Variants in HECW1 observed in about 807,000 individuals in gnomAD.
HECW1 encodes HECT, C2 and WW domain containing E3 ubiquitin protein ligase 1.
Under a neutral mutation model 182.3 loss-of-function variants are expected in HECW1, and 61 were observed. The ratio of observed to expected loss-of-function variants is 0.33; its 90% CI spans 0.27 to 0.41. The LOEUF is 0.41. Ranked by LOEUF, HECW1 falls within the 10% of genes least tolerant of loss-of-function variation. HECW1 has a pLI of 1.00. For missense variants in HECW1, 1,739 were observed against 2,108.9 expected, an observed-to-expected ratio of 0.82 and a Z score of 3.44; for synonymous variants, 859 against 832.6, an observed-to-expected ratio of 1.03 and a Z score of -0.55.
intron 2 of HECW1, among the ~76,000 whole-genome samples, chr7:43,153,451 G>A (rs146515735): frequency 1.4e-3 from 213 of 152,238 alleles, no homozygotes; most frequent in African/African-American, 4.1e-3. Context: ...CATTCAACCC[G>A]TACATTATTT....
chr7:43,372,007 A>G (rs2074127056), intron 6 of HECW1, among the ~76,000 whole-genome samples: 1 of 152,056 alleles, frequency 6.6e-6, no homozygotes, highest in African/African-American at 2.4e-5. Flanking sequence ...TTTTTAGTAG[A>G]GATGGGATTT....
chr7:43,150,514 G>GA lies in HECW1; in HGVS notation c.-32+36124dup, dbSNP rs528114248. ...ATGCCTCAGCCTCCTGAGTAGCTGG[G>GA]ATTATAGGCACCTGCCATCATGCCT... On this transcript the variant is annotated intron_variant, in intron 2 of 29. Coordinates refer to ENST00000395891, the MANE Select transcript of HECW1 (RefSeq NM_015052.5). Among the ~76,000 whole-genome samples, 541 of 152,270 alleles carry GA rather than the reference G, an allele frequency of 3.6e-3. 2 individuals carry two copies. The highest frequency in any genetic ancestry group is 0.013 in the African/African-American group (529 of 41,550).
chr7:43,307,124 G>T (rs1463275908), intron 3 of HECW1, among the ~76,000 whole-genome samples: 1 of 152,014 alleles, frequency 6.6e-6, no homozygotes, highest in Non-Finnish European at 1.5e-5. Context: ...CCATAGCAGG[G>T]CACTTTGTAC....
intron 23 of HECW1, 54 bp from the exon 24 acceptor site, chr7:43,508,915 T>C: frequency 6.3e-7 from 1 of 1,588,476 alleles, no homozygotes. Context: ...TGCAAACAGG[T>C]CCCCCCACCT....
intron 2 of HECW1, among the ~76,000 whole-genome samples, chr7:43,205,427 A>T (rs1416989563): frequency 1.3e-5 from 2 of 152,312 alleles, no homozygotes; most frequent in East Asian, 3.9e-4. Context: ...CTAGGAACAC[A>T]GCCTGGAACT....
chr7:43,209,560 G>C (rs185889109), intron 2 of HECW1, among the ~76,000 whole-genome samples: 3 of 152,280 alleles, frequency 2.0e-5, no homozygotes, highest in African/African-American at 7.2e-5. Context: ...ATTAGAATTT[G>C]CAAGAAAGAG....
chr7:43,349,438 G>A (rs190387489), intron 5 of HECW1, among the ~76,000 whole-genome samples: 2 of 152,294 alleles, frequency 1.3e-5, no homozygotes, highest in Non-Finnish European at 2.9e-5. Context: ...GACCTGTCTA[G>A]TGCTGTCAGT....
chr7:43,463,764 G>A lies in HECW1; in HGVS notation c.2756G>A (p.Ser919Asn). ...GCAGGAGGAGGCGGAGGTGGAGGGA[G>A]TGACTCAGAAGCCGAATCTTCCCAG... ...APAGGGGGGG[S>N]DSEAESSQSS... Residue 919 changes from serine (S) to asparagine (N), a missense_variant, in exon 14 of 30, where the codon AGT (serine) becomes AAT (asparagine). By Grantham distance (46) the Ser-to-Asn change is conservative. This residue lies in a region of HECW1 where 971 missense variants were observed against 1,029.1 expected (regional missense o/e 0.94). Coordinates refer to ENST00000395891, the MANE Select transcript of HECW1 (RefSeq NM_015052.5). The A allele has an allele frequency of 6.2e-6, 10 of 1,614,072 alleles. No homozygotes were observed. Among genetic ancestry groups the A allele is most frequent in the Middle Eastern group, 1.6e-4 (1 of 6,062 alleles).
intron 26 of HECW1, among the ~76,000 whole-genome samples, chr7:43,543,789 AAAAAAAAAAG>A (rs2081452790): frequency 6.6e-6 from 1 of 151,690 alleles, no homozygotes; most frequent in Non-Finnish European, 1.5e-5. Flanking sequence ...CACAAAAAAA[AAAAAAAAAAG>A]AAAAAAAAAG....
At chr7:43,299,501 G>T (rs369308621) in intron 3 of HECW1, among the ~76,000 whole-genome samples, 64 of 152,050 alleles carry the variant, frequency 4.2e-4, no homozygotes, top group African/African-American at 1.4e-3. Context: ...GAGTTCAAAG[G>T]TTCCAAGTTT....
At chr7:43,537,469 A>G (rs2081217336) in intron 24 of HECW1, among the ~76,000 whole-genome samples, 2 of 152,190 alleles carry the variant, frequency 1.3e-5, no homozygotes, top group African/African-American at 2.4e-5. Context: ...AATGTAATCA[A>G]CTTCCCCACA....
At chr7:43,158,276 G>A (rs1790112880) in intron 2 of HECW1, among the ~76,000 whole-genome samples, 1 of 152,164 alleles carries the variant, frequency 6.6e-6, no homozygotes, top group Non-Finnish European at 1.5e-5. Flanking sequence ...AGATATTGGG[G>A]AAACACACCA....
intron 8 of HECW1, among the ~76,000 whole-genome samples, chr7:43,434,242 TGAGTTAGTAAACTTAAGAAA>T (rs1562970196): frequency 6.6e-6 from 1 of 152,158 alleles, no homozygotes; most frequent in Non-Finnish European, 1.5e-5. Context: ...CCAGCTGAAA[TGAGTTAGTAAACTTAAGAAA>T]GTTCAATAAC....
chr7:43,298,058 G>T (rs768799331), intron 3 of HECW1, among the ~76,000 whole-genome samples: 12 of 152,158 alleles, frequency 7.9e-5, no homozygotes, highest in Non-Finnish European at 1.6e-4. Context: ...GGGTGACAGG[G>T]TGAGACCCTG....
chr7:43,255,357 T>C (rs11761433), intron 3 of HECW1, among the ~76,000 whole-genome samples: 58,915 of 152,056 alleles, frequency 0.39, 13,255 homozygotes, highest in African/African-American at 0.63. Context: ...CCAGCACTTT[T>C]GGAGGCTGAG....
intron 2 of HECW1, among the ~76,000 whole-genome samples, chr7:43,198,658 C>T (rs1235929312): frequency 1.3e-5 from 2 of 150,402 alleles, no homozygotes; most frequent in Non-Finnish European, 3.0e-5. Flanking sequence ...CTATCTCACA[C>T]ACACCCCCAC....
chr7:43,221,280 C>G (rs1386103087), intron 2 of HECW1, among the ~76,000 whole-genome samples: 1 of 152,126 alleles, frequency 6.6e-6, no homozygotes, highest in Non-Finnish European at 1.5e-5. Context: ...GGCACCACAT[C>G]TAGAGGATTA....
chr7:43,269,034 C>T (rs1802093453), intron 3 of HECW1, among the ~76,000 whole-genome samples: 1 of 152,048 alleles, frequency 6.6e-6, no homozygotes, highest in African/African-American at 2.4e-5. Flanking sequence ...CACCCTCTAC[C>T]CACTCTCTCA....
chr7:43,438,196 G>T (rs369768080), intron 9 of HECW1, 51 bp downstream of exon 9: 1 of 1,543,378 alleles, frequency 6.5e-7, no homozygotes, highest in Non-Finnish European at 8.9e-7. Flanking sequence ...CCAACAGGTC[G>T]TGCCCAAAGG....
Sources: gnomAD v4.1 joint callset for allele counts (sites outside exome capture counted in the v4.1 genomes callset) on GRCh38, gnomAD v4.1.1 for gene constraint, gnomAD v4.1.1 regional missense constraint, MANE v1.5 for transcripts, NCBI Gene and HGNC (gene_info 2026-07-23, HGNC 2026-07-21) for gene names.